CCBE1: variants seen among roughly 807,000 people sequenced by gnomAD.
CCBE1 encodes collagen and calcium-binding EGF domain-containing protein 1.
Under a neutral mutation model 50.0 loss-of-function variants are expected in CCBE1, and 37 were observed. That is an observed-to-expected ratio of 0.74 (90% CI 0.57 to 0.97). The LOEUF (loss-of-function observed/expected upper bound fraction) is 0.97. Among genes scored for constraint, CCBE1 ranks in the 50% least tolerant of loss-of-function variants. The pLI, the probability that CCBE1 is intolerant of heterozygous loss-of-function variation, is 0.00. For missense variants in CCBE1, 538 were observed against 523.8 expected (o/e 1.03, Z -0.26); for synonymous variants, 234 against 203.7 (o/e 1.15, Z -1.27).
At chr18:59,574,463 A>C (rs1178642237) in intron 2 of CCBE1, among the ~76,000 whole-genome samples, 2 of 152,230 alleles carry the variant, frequency 1.3e-5, no homozygotes, top group Non-Finnish European at 2.9e-5. Context: ...TGTAGTAGAA[A>C]TTATATTGGC....
rs1489107574 is a variant in CCBE1, at chr18:59,431,685, T to TG, written c.*4222dup. Reference sequence around the variant, plus strand: ...CAGGGTGCTCTTCGCTGGTATTTGGTGGGGTAATACTCACCTTTCCTTCCT... The same window carrying TG: ...CAGGGTGCTCTTCGCTGGTATTTGGTGGGGGTAATACTCACCTTTCCTTCCT... On this transcript the variant is annotated 3_prime_UTR_variant, in exon 11 of 11. Transcript: ENST00000439986. 1 of 152,218 alleles carries TG rather than the reference T, an allele frequency of 6.6e-6. No individual in the cohort carries two copies. Among genetic ancestry groups the TG allele is most frequent in the African/African-American group, 2.4e-5 (1 of 41,444 alleles). The allele number at this position is 152,218 out of a possible 1,614,324, so 9.4% of individuals were successfully genotyped here.
chr18:59,567,887 C>T (rs1232592978), intron 2 of CCBE1, among the ~76,000 whole-genome samples: 1 of 152,220 alleles, frequency 6.6e-6, no homozygotes, highest in East Asian at 1.9e-4. Flanking sequence ...ATATCACATA[C>T]AGAAGCATCC....
chr18:59,612,820 TTTTTTGTTTTTTTTTGTTTTTG>T (rs1216490179), intron 2 of CCBE1, among the ~76,000 whole-genome samples: 1 of 114,134 alleles, frequency 8.8e-6, no homozygotes, highest in African/African-American at 3.2e-5. Context: ...CAAGGGTTTT[TTTTTTGTTTTTTTTTGTTTTTG>T]TTTTTGTTTT....
chr18:59,469,759 C>G (rs936946372), intron 3 of CCBE1, 152 bp from the exon 4 acceptor site: 6 of 983,894 alleles, frequency 6.1e-6, no homozygotes, highest in Non-Finnish European at 9.5e-6. Flanking sequence ...CTCTTTAGGG[C>G]TGTGGGTCAC....
chr18:59,671,090 T>A (rs1340228326), intron 2 of CCBE1, among the ~76,000 whole-genome samples: 1 of 152,226 alleles, frequency 6.6e-6, no homozygotes, highest in African/African-American at 2.4e-5. Flanking sequence ...TTGAATATAC[T>A]TTAATGATCA....
chr18:59,650,851 G>A (rs2054117952), intron 2 of CCBE1, among the ~76,000 whole-genome samples: 1 of 151,506 alleles, frequency 6.6e-6, no homozygotes, highest in Admixed American at 6.6e-5. Context: ...CGGTGGCCAA[G>A]CAGAAGCAGG....
At chr18:59,510,660 G>GA (rs1348145086) in intron 2 of CCBE1, among the ~76,000 whole-genome samples, 1 of 152,168 alleles carries the variant, frequency 6.6e-6, no homozygotes, top group Non-Finnish European at 1.5e-5. Flanking sequence ...GACCTCAGGT[G>GA]ATCCACCTGC....
intron 2 of CCBE1, among the ~76,000 whole-genome samples, chr18:59,490,665 G>A (rs182082652): frequency 8.7e-4 from 133 of 152,252 alleles, no homozygotes; most frequent in African/African-American, 1.9e-3. Flanking sequence ...AAACAAAGTC[G>A]TTGTTGTGAC....
chr18:59,635,506 C>T lies in CCBE1; in HGVS notation c.212+61123G>A, dbSNP rs374265350. On this transcript the variant is annotated intron_variant, in intron 2 of 10. Transcript: ENST00000439986. The stretch of plus-strand genomic sequence containing the variant: ...ACAGTAATTTAAAAAATCTAATTTC[C>T]GGGAATTGGAATAAAGATATATCCA... Among the ~76,000 whole-genome samples, 53 of 151,230 alleles carry T rather than the reference C, an allele frequency of 3.5e-4. 2 individuals are homozygous for T. The highest frequency in any genetic ancestry group is 1.5e-3 in the Admixed American group (23 of 15,220).
At chr18:59,449,368 TC>T (rs1013054660) in intron 6 of CCBE1, among the ~76,000 whole-genome samples, 13 of 126,654 alleles carry the variant, frequency 1.0e-4, no homozygotes, top group African/African-American at 3.7e-4. Context: ...ATGTCTCTAA[TC>T]CCAGCAATTT....
intron 2 of CCBE1, among the ~76,000 whole-genome samples, chr18:59,593,814 T>C (rs1190357762): frequency 6.6e-6 from 1 of 152,250 alleles, no homozygotes; most frequent in African/African-American, 2.4e-5. Flanking sequence ...GTCTGGGACA[T>C]GAGTTGACAA....
chr18:59,678,433 G>A (rs764262266), intron 2 of CCBE1, among the ~76,000 whole-genome samples: 1 of 152,152 alleles, frequency 6.6e-6, no homozygotes, highest in Non-Finnish European at 1.5e-5. Context: ...TAGGTAAAAT[G>A]TTGAAAATGT....
chr18:59,520,153 C>T (rs1914537808), intron 2 of CCBE1, among the ~76,000 whole-genome samples: 2 of 152,172 alleles, frequency 1.3e-5, no homozygotes, highest in Admixed American at 1.3e-4. Context: ...CTTGGCTATA[C>T]AGGCTCTTTT....
intron 2 of CCBE1, among the ~76,000 whole-genome samples, chr18:59,490,199 C>G (rs998836073): frequency 1.3e-5 from 2 of 151,720 alleles, no homozygotes; most frequent in Admixed American, 1.3e-4. Context: ...TGGGCAGGCT[C>G]GTCTCGAACT....
intron 2 of CCBE1, among the ~76,000 whole-genome samples, chr18:59,506,448 C>A (rs1913876422): frequency 6.6e-6 from 1 of 152,218 alleles, no homozygotes; most frequent in Non-Finnish European, 1.5e-5. Flanking sequence ...AAAACTAAGA[C>A]ACCACTTCAC....
chr18:59,584,936 C>A (rs2053156350), intron 2 of CCBE1, among the ~76,000 whole-genome samples: 1 of 152,110 alleles, frequency 6.6e-6, no homozygotes, highest in African/African-American at 2.4e-5. Flanking sequence ...AAGTTTGATT[C>A]TATGACTCTC....
chr18:59,550,913 G>T (rs1190583982), intron 2 of CCBE1, among the ~76,000 whole-genome samples: 1 of 147,560 alleles, frequency 6.8e-6, no homozygotes, highest in Non-Finnish European at 1.5e-5. Context: ...GCTGAGGCAG[G>T]AGAATGGCAT....
intron 2 of CCBE1, among the ~76,000 whole-genome samples, chr18:59,587,589 C>T (rs751591572): frequency 1.3e-5 from 2 of 152,162 alleles, no homozygotes; most frequent in Non-Finnish European, 2.9e-5. Context: ...ACACAGTCTG[C>T]TTATGGTCTA....
intron 2 of CCBE1, among the ~76,000 whole-genome samples, chr18:59,563,304 A>G (rs1599017022): frequency 6.7e-6 from 1 of 149,646 alleles, no homozygotes; most frequent in South Asian, 2.3e-4. Context: ...AATAAGCACA[A>G]TTAGTTTTTC....
Sources: allele counts gnomAD v4.1 joint callset (sites outside exome capture counted in the v4.1 genomes callset), GRCh38; gene constraint gnomAD v4.1.1; transcripts MANE v1.5; gene names NCBI Gene and HGNC (gene_info 2026-07-23, HGNC 2026-07-21).